Variants in DGKB observed in about 807,000 individuals in gnomAD.
DGKB encodes the protein diacylglycerol kinase beta.
A neutral mutation model predicts 114.3 loss-of-function variants in DGKB; 67 were observed. That is an observed-to-expected ratio of 0.59 (90% CI 0.48 to 0.72). The LOEUF is 0.72. Among genes scored for constraint, DGKB ranks in the 30% least tolerant of loss-of-function variants. The pLI, the probability that DGKB is intolerant of heterozygous loss-of-function variation, is 0.00. For synonymous variants in DGKB, 398 were observed against 323.1 expected (o/e 1.23, Z -2.49); for missense variants, 907 against 975.2 (o/e 0.93, Z 0.93).
chr7:14,364,537 A>C (rs112230415), intron 21 of DGKB, among the ~76,000 whole-genome samples: 2 of 152,084 alleles, frequency 1.3e-5, no homozygotes, highest in African/African-American at 2.4e-5. Context: ...CCATAAATCT[A>C]TCATCTTGCT....
chr7:14,642,310 C>T (rs1414606484), intron 13 of DGKB, among the ~76,000 whole-genome samples: 1 of 152,094 alleles, frequency 6.6e-6, no homozygotes, highest in Non-Finnish European at 1.5e-5. Flanking sequence ...TGCAATAAAA[C>T]TTTATGTATG....
intron 23 of DGKB, among the ~76,000 whole-genome samples, chr7:14,315,259 CA>C (rs1235672410): frequency 6.6e-6 from 1 of 150,714 alleles, no homozygotes; most frequent in Non-Finnish European, 1.5e-5. Flanking sequence ...ATCATAATGA[CA>C]GCATCAAATT....
intron 1 of DGKB, among the ~76,000 whole-genome samples, chr7:14,872,546 A>G (rs1852629868): frequency 6.6e-6 from 1 of 152,200 alleles, no homozygotes; most frequent in African/African-American, 2.4e-5. Flanking sequence ...TAGATACTGG[A>G]TAAATTTTGG....
intron 23 of DGKB, among the ~76,000 whole-genome samples, chr7:14,311,428 CATT>C (rs1805375012): frequency 6.6e-6 from 1 of 151,900 alleles, no homozygotes; most frequent in African/African-American, 2.4e-5. Context: ...CATTTTTCAT[CATT>C]TTTTTTTTTA....
chr7:14,403,822 T>C (rs998415209), intron 21 of DGKB, among the ~76,000 whole-genome samples: 7 of 152,014 alleles, frequency 4.6e-5, no homozygotes, highest in Non-Finnish European at 7.4e-5. Flanking sequence ...TCATGGAATC[T>C]GGCTAGACAA....
rs141614931 is a variant in DGKB, at chr7:14,489,089, TA to T, written c.1771-10865del. Reference sequence around the variant, plus strand: ...CAAGAAAATACTTAACAAAAATCTTTACTAAGATGATCATAGGCCTAGAATA... The same window carrying T: ...CAAGAAAATACTTAACAAAAATCTTTCTAAGATGATCATAGGCCTAGAATA... On this transcript the variant is annotated intron_variant, in intron 20 of 25. Coordinates refer to ENST00000402815, the MANE Select transcript of DGKB (RefSeq NM_001350709.2). Among the ~76,000 whole-genome samples, 1,393 of 152,250 alleles carry T rather than the reference TA, an allele frequency of 9.1e-3. 24 individuals are homozygous for T. The highest frequency in any genetic ancestry group is 0.032 in the African/African-American group (1,336 of 41,558).
At chr7:14,958,834 C>T (rs960767461) in intron 1 of DGKB, among the ~76,000 whole-genome samples, 1 of 152,000 alleles carries the variant, frequency 6.6e-6, no homozygotes, top group Non-Finnish European at 1.5e-5. Context: ...CTCTCTCCTC[C>T]GTGGGAGCCT....
chr7:14,166,553 G>GGGT (rs1216676456), intron 25 of DGKB, among the ~76,000 whole-genome samples: 1 of 152,142 alleles, frequency 6.6e-6, no homozygotes, highest in Non-Finnish European at 1.5e-5. Flanking sequence ...AATGGTGTGG[G>GGGT]GGTGTGGGTT....
At chr7:14,471,541 G>C (rs1387656068) in intron 21 of DGKB, among the ~76,000 whole-genome samples, 4 of 150,530 alleles carry the variant, frequency 2.7e-5, no homozygotes, top group Non-Finnish European at 5.9e-5. Context: ...TAATCTATAA[G>C]TAATCTCATA....
At chr7:14,392,995 G>GTTTTTGTTTTTGTTTTTTTTTTGTTTTT in intron 21 of DGKB, among the ~76,000 whole-genome samples, 1 of 60,546 alleles carries the variant, frequency 1.7e-5, no homozygotes, top group Non-Finnish European at 3.4e-5. Context: ...TTTTGTTTTT[G>GTTTTTGTTTTTGTTTTTTTTTTGTTTTT]TTTTTTTTTT....
At chr7:14,812,098 A>C (rs10232210) in intron 2 of DGKB, among the ~76,000 whole-genome samples, 65,207 of 151,972 alleles carry the variant, frequency 0.43, 16,319 homozygotes, top group African/African-American at 0.7. Context: ...AGCTTCATTC[A>C]TGTTGTAGTA....
chr7:14,168,598 G>C (rs1784941306), intron 25 of DGKB, among the ~76,000 whole-genome samples: 1 of 152,156 alleles, frequency 6.6e-6, no homozygotes, highest in African/African-American at 2.4e-5. Context: ...GCAAAGCAAT[G>C]ATTCAAACGA....
upstream of DGKB, among the ~76,000 whole-genome samples, chr7:14,907,753 G>T (rs1447949328): frequency 1.3e-5 from 2 of 152,184 alleles, no homozygotes; most frequent in African/African-American, 4.8e-5. Context: ...TGTTGACCTA[G>T]TAGGCAATTT....
intron 21 of DGKB, among the ~76,000 whole-genome samples, chr7:14,377,520 A>G (rs553078834): frequency 6.6e-6 from 1 of 152,236 alleles, no homozygotes; most frequent in Admixed American, 6.5e-5. Flanking sequence ...TCTATTTTAA[A>G]ACTTCTAAAT....
intron 9 of DGKB, among the ~76,000 whole-genome samples, chr7:14,691,454 G>A (rs1404004999): frequency 6.6e-6 from 1 of 152,092 alleles, no homozygotes; most frequent in Non-Finnish European, 1.5e-5. Context: ...TTCTCTACAG[G>A]TAATAATGTA....
At chr7:14,641,213 T>A (rs899602166) in intron 13 of DGKB, among the ~76,000 whole-genome samples, 33 of 152,122 alleles carry the variant, frequency 2.2e-4, no homozygotes, top group African/African-American at 7.0e-4. Flanking sequence ...TTTTAATTTA[T>A]ATTTCTTCAT....
chr7:14,159,190 C>T (rs932959504), intron 25 of DGKB, among the ~76,000 whole-genome samples: 18 of 152,080 alleles, frequency 1.2e-4, no homozygotes, highest in South Asian at 2.1e-4. Context: ...CCTCACCCCA[C>T]GCTGCCTCTC....
At chr7:14,499,642 G>T (rs557332980) in intron 20 of DGKB, among the ~76,000 whole-genome samples, 9 of 151,764 alleles carry the variant, frequency 5.9e-5, no homozygotes, top group Non-Finnish European at 1.3e-4. Context: ...GGAAACTGAG[G>T]CAACACCTTA....
chr7:14,861,062 C>A (rs932272623), intron 1 of DGKB, among the ~76,000 whole-genome samples: 1 of 151,902 alleles, frequency 6.6e-6, no homozygotes, highest in African/African-American at 2.4e-5. Context: ...ACTCAGAATG[C>A]AAAACCTAAG....
Sources: allele counts gnomAD v4.1 joint callset (sites outside exome capture counted in the v4.1 genomes callset), GRCh38; gene constraint gnomAD v4.1.1; transcripts MANE v1.5; gene names NCBI Gene and HGNC (gene_info 2026-07-23, HGNC 2026-07-21).